KMT2D: variants seen among roughly 807,000 people sequenced by gnomAD.
The protein encoded by KMT2D is histone-lysine N-methyltransferase 2D.
KMT2D carries 55 observed loss-of-function variants against 512.7 expected under a neutral mutation model. The ratio of observed to expected loss-of-function variants is 0.11; its 90% CI spans 0.09 to 0.13. KMT2D has a LOEUF of 0.13. KMT2D is among the 10% of genes least tolerant of loss of function. The probability of loss-of-function intolerance (pLI) is 1.00; values close to 1 mark genes in which losing one functional copy is unlikely to be tolerated. For synonymous variants in KMT2D, 2,995 were observed against 2,904.0 expected (o/e 1.03, Z -1.01); for missense variants, 6,061 against 7,127.9 (o/e 0.85, Z 5.39).
rs750556938 is a variant in KMT2D, at chr12:49,033,736, G to C, written c.10969C>G (p.Leu3657Val). 1.2e-6 allele frequency: 2 copies of C among 1,613,502 alleles called. No individual in the cohort carries two copies. The highest frequency in any genetic ancestry group is 1.7e-6 in the Non-Finnish European group (2 of 1,179,822). The change falls in exon 40 of 55, where the codon CTG becomes GTG. Residue 3657 changes from leucine (L) to valine (V), a missense_variant. This residue lies in a region of KMT2D where 1,600 missense variants were observed against 1,754.9 expected (regional missense o/e 0.91). Transcript: ENST00000301067. ...PPGGQAGGLRLTPGGMALPGQ... is the reference protein window; with the variant it reads ...PPGGQAGGLRVTPGGMALPGQ... The stretch of plus-strand genomic sequence containing the variant: ...GGTAGTGCCATACCCCCAGGGGTCA[G>C]GCGAAGACCTCCGGCTTGCCCACCC...
intron 13 of KMT2D, 38 bp downstream of exon 13, chr12:49,049,067 T>C (rs1050966606): frequency 6.6e-5 from 87 of 1,308,640 alleles, no homozygotes; most frequent in Non-Finnish European, 8.4e-5. Context: ...TGCTAAAGCA[T>C]GGTTGGGGGA....
rs765658034 is a variant in KMT2D at position 49,030,705 on chromosome 12, A to T, written c.13735T>A (p.Phe4579Ile). 5.6e-6 allele frequency: 9 copies of T among 1,613,526 alleles called. No individual in the cohort carries two copies. Among genetic ancestry groups the T allele is most frequent in the Non-Finnish European group, 7.6e-6 (9 of 1,179,864 alleles). Residue 4579 changes from phenylalanine to isoleucine, a missense_variant, in exon 42 of 55, where the codon TTT (phenylalanine) becomes ATT (isoleucine). Transcript: ENST00000301067. ...CCATTGACTGGGCAGCCACTGCCAA[A>T]GGGGGCAAAGAGGCTAAAATTGGCG... ...ITANFSLFAPFGSGCPVNGQS... is the reference protein window; with the variant it reads ...ITANFSLFAPIGSGCPVNGQS...
chr12:49,024,645 G>A lies in KMT2D; in HGVS notation c.15985C>T (p.Leu5329=), dbSNP rs2137710607. The A allele has an allele frequency of 1.9e-6, 3 of 1,613,916 alleles. No individual in the cohort carries two copies. In the South Asian group the frequency reaches 3.3e-5, roughly 18 times the overall value. The change falls in exon 51 of 55, where the codon CTG becomes TTG. Residue 5329 remains leucine (L), a synonymous_variant. Coordinates refer to ENST00000301067, the MANE Select transcript of KMT2D (RefSeq NM_003482.4). This position sits in a 1 kb window ranked among gnomAD's most constrained non-coding sequence, Gnocchi z 4.5. The part of the protein sequence containing the change: ...FRYGRHPLME[L]PLMINPTGCA... ...CCAGTGGGGTTGATCATGAGTGGCA[G>A]CTCCATAAGGGGGTGGCGCCCATAG...
chr12:49,037,798 C>T lies in KMT2D; in HGVS notation c.9558G>A (p.Gly3186=), dbSNP rs1390707389. The T allele has an allele frequency of 6.3e-7, 1 of 1,596,848 alleles. No homozygotes were observed. Among genetic ancestry groups the T allele is most frequent in the Non-Finnish European group, 8.5e-7 (1 of 1,171,532 alleles). Residue 3186 remains glycine (G), a synonymous_variant, in exon 35 of 55, where the codon GGG becomes GGA. Coordinates refer to ENST00000301067, the MANE Select transcript of KMT2D (RefSeq NM_003482.4). ...SGHTAEKASF[G]ATGGPPAHLL... ...GGTGAGCTGGTGGTCCTCCCGTGGC[C>T]CCAAAGGAGGCCTTCTCAGCTGTGT...
In KMT2D at chr12:49,022,366, A is replaced by G. The variant is rs1371341197; in HGVS notation, c.16339-13T>C. Reference sequence around the variant, plus strand: ...AGATGCCTCGATTCTAGAAAGGCAGAGGTTGCAGAAGAAGGGACAAGAGTA... The same window carrying G: ...AGATGCCTCGATTCTAGAAAGGCAGGGGTTGCAGAAGAAGGGACAAGAGTA... On this transcript the variant is annotated splice_polypyrimidine_tract_variant and intron_variant, in intron 52 of 54. Transcript: ENST00000301067. This position sits in a 1 kb window ranked among gnomAD's most constrained non-coding sequence, Gnocchi z 8.6. 1 of 1,598,522 alleles carries G rather than the reference A, an allele frequency of 6.3e-7. No homozygotes were observed. The highest frequency in any genetic ancestry group is 8.5e-7 in the Non-Finnish European group (1 of 1,171,856).
rs759084640 is a variant in KMT2D, at chr12:49,029,166, C to A, written c.14146G>T (p.Gly4716Trp). Residue 4716 changes from glycine to tryptophan, a missense_variant, in exon 45 of 55, where the codon GGG becomes TGG. Around this residue, in one of 16 missense-constraint regions of KMT2D, gnomAD observed 1,600 missense variants for 1,754.9 expected, o/e 0.91. Transcript: ENST00000301067. ...VPASSPESIL[G>W]EEAPRFPHLG... ...TGAGGGAAACGAGGGGCCTCCTCCCCCAAGATGCTCTCAGGGGATGAAGCT... is the reference window on the plus strand; with the variant it reads ...TGAGGGAAACGAGGGGCCTCCTCCCACAAGATGCTCTCAGGGGATGAAGCT... The A allele has an allele frequency of 5.6e-6, 9 of 1,613,790 alleles. No homozygotes were observed. Among genetic ancestry groups the A allele is most frequent in the African/African-American group, 1.3e-5 (1 of 74,930 alleles).
At position 49,019,815 on chromosome 12, in the gene KMT2D, C is replaced by T. The variant is rs1204701478; in HGVS notation, c.*1965G>A. 4.4e-6 allele frequency: 1 copy of T among 229,730 alleles called. No homozygotes were observed. The allele number at this position is 229,730 out of a possible 1,614,324, so 14.2% of individuals were successfully genotyped here. A position where few individuals can be genotyped will look rare whatever the true frequency, so the allele number is the denominator to read the frequency against. On this transcript the variant is annotated 3_prime_UTR_variant, in exon 55 of 55. Transcript: ENST00000301067. ...GCAGCTTTAAAAAAAAAAAATCTCC[C>T]TACCCCCAACAATCCACAACCCCCC...
chr12:49,050,859 A>C, intron 11 of KMT2D, 27 bp downstream of exon 11: 1 of 1,548,648 alleles, frequency 6.5e-7, no homozygotes, highest in Non-Finnish European at 8.7e-7. Context: ...GCTGTTCCAG[A>C]ATAACAGAGT....
At position 49,042,130 on chromosome 12, in the gene KMT2D, T is replaced by G; in HGVS notation, c.6068A>C (p.Tyr2023Ser). The change falls in exon 29 of 55, where the codon TAT becomes TCT. Residue 2023 changes from tyrosine to serine, a missense_variant. Transcript: ENST00000301067. The surrounding 1 kb of genome is among the most constrained non-coding windows in gnomAD (Gnocchi z 4.4). The part of the protein sequence containing the change: ...GQLSTISPVL[Y>S]ANINFPNLKQ... ...GAGATTAGGAAAATTAATGTTGGCA[T>G]AGAGCACAGGTGAGATGGTGGACAG... 6.2e-7 allele frequency: 1 copy of G among 1,613,672 alleles called. No individual in the cohort carries two copies. Among genetic ancestry groups the G allele is most frequent in the South Asian group, 1.1e-5 (1 of 90,988 alleles).
In KMT2D at chr12:49,037,571, T is replaced by G; in HGVS notation, c.9785A>C (p.Lys3262Thr). 1 of 1,554,064 alleles carries G rather than the reference T, an allele frequency of 6.4e-7. No homozygotes were observed. The highest frequency in any genetic ancestry group is 1.2e-5 in the South Asian group (1 of 84,234). Residue 3262 changes from lysine (K) to threonine (T), a missense_variant, in exon 35 of 55, where the codon AAG becomes ACG. Coordinates refer to ENST00000301067, the MANE Select transcript of KMT2D (RefSeq NM_003482.4). The stretch of plus-strand genomic sequence containing the variant: ...CAACTGTGCTGAAAGCTGCTGCTTC[T>G]TCTGCAGCTCCTTCTTCTCATGCTC... Reference protein sequence around the residue: ...LLEHEKKELQKKQQLSAQLQP... With the variant: ...LLEHEKKELQTKQQLSAQLQP...
Position 49,032,505 on chromosome 12 carries a change from G to T in KMT2D, c.12200C>A (p.Pro4067His), listed in dbSNP as rs1456513754. Residue 4067 changes from proline (P) to histidine (H), a missense_variant, in exon 40 of 55, where the codon CCC becomes CAC. Pro to His is a moderately conservative substitution (Grantham distance 77). Transcript: ENST00000301067. ...GAGTTGTGAGTCCCCAGAGAGTGAGGGCTTTACCTCTCCTGGTTCAGTGGC... is the reference window on the plus strand; with the variant it reads ...GAGTTGTGAGTCCCCAGAGAGTGAGTGCTTTACCTCTCCTGGTTCAGTGGC... ...SMATEPGEVKPSLSGDSQLLL... is the reference protein window; with the variant it reads ...SMATEPGEVKHSLSGDSQLLL... The T allele has an allele frequency of 6.3e-7, 1 of 1,580,074 alleles. No homozygotes were observed. Among genetic ancestry groups the T allele is most frequent in the Non-Finnish European group, 8.6e-7 (1 of 1,162,740 alleles).
Position 49,033,567 on chromosome 12 carries a change from G to A in KMT2D, c.11138C>T (p.Ser3713Leu). The change falls in exon 40 of 55, where the codon TCA becomes TTA. Residue 3713 changes from serine (S) to leucine (L), a missense_variant. Physicochemically the swap from Ser to Leu is moderately radical, Grantham distance 145. Transcript: ENST00000301067. ...NLALRSLGPDSRLLQERQLQL... is the reference protein window; with the variant it reads ...NLALRSLGPDLRLLQERQLQL... ...CAGCTGCCTTTCCTGTAAAAGCCTT[G>A]AATCAGGTCCGAGGCTTCGAAGAGC... 1 of 1,613,574 alleles carries A rather than the reference G, an allele frequency of 6.2e-7. No homozygotes were observed. Among genetic ancestry groups the A allele is most frequent in the Non-Finnish European group, 8.5e-7 (1 of 1,179,820 alleles).
Position 49,042,224 on chromosome 12 carries a change from C to T in KMT2D, c.5974G>A (p.Glu1992Lys). 6.3e-7 allele frequency: 1 copy of T among 1,598,202 alleles called. No homozygotes were observed. The highest frequency in any genetic ancestry group is 8.5e-7 in the Non-Finnish European group (1 of 1,172,722). The change falls in exon 29 of 55, where the codon GAG (glutamate) becomes AAG (lysine). Residue 1992 changes from glutamate (E) to lysine (K), a missense_variant. Physicochemically the swap from Glu to Lys is moderately conservative, Grantham distance 56. Around this residue, in one of 16 missense-constraint regions of KMT2D, gnomAD observed 640 missense variants for 814.3 expected, o/e 0.79. Transcript: ENST00000301067. The surrounding 1 kb of genome is among the most constrained non-coding windows in gnomAD (Gnocchi z 4.4). ...STPTTPTTEG[E>K]GDGLSYNQRS... Reference sequence around the variant, plus strand: ...TGGTTATAGGAGAGTCCGTCGCCCTCACCCTCCGTGGTGGGGGTTGTGGGG... The same window carrying T: ...TGGTTATAGGAGAGTCCGTCGCCCTTACCCTCCGTGGTGGGGGTTGTGGGG...
rs767138904 is a variant in KMT2D at position 49,027,276 on chromosome 12, T to C, written c.14690A>G (p.Asn4897Ser). The C allele has an allele frequency of 3.0e-5, 46 of 1,554,126 alleles. No individual in the cohort carries two copies. The highest frequency in any genetic ancestry group is 3.4e-5 in the Non-Finnish European group (39 of 1,153,206). ...EPPTQHSYTY[N>S]VSNLDVRQLS... ...CTGTCGCACATCCAGATTGGAGACA[T>C]TGTAGGTATAGCTGTGCTGAGTGGG... is the stretch of plus-strand genomic sequence containing the variant. Residue 4897 changes from asparagine to serine, a missense_variant, in exon 49 of 55, where the codon AAT (asparagine) becomes AGT (serine). By Grantham distance (46) the Asn-to-Ser change is conservative. Around this residue, in one of 16 missense-constraint regions of KMT2D, gnomAD observed 1,600 missense variants for 1,754.9 expected, o/e 0.91. Transcript: ENST00000301067.
rs2137708327 is a variant in KMT2D, at chr12:49,022,953, C to T, written c.16053-78G>A. On this transcript the variant is annotated intron_variant, in intron 51 of 54. Transcript: ENST00000301067. The surrounding 1 kb of genome is among the most constrained non-coding windows in gnomAD (Gnocchi z 8.6). ...TACCACCCACCTCCTCTGCCACCTCCTGGGATGTGCAACACACCAGTTAGG... is the reference window on the plus strand; with the variant it reads ...TACCACCCACCTCCTCTGCCACCTCTTGGGATGTGCAACACACCAGTTAGG... The T allele has an allele frequency of 7.1e-7, 1 of 1,415,362 alleles. No homozygotes were observed. Among genetic ancestry groups the T allele is most frequent in the South Asian group, 1.4e-5 (1 of 69,238 alleles). 87.7% of individuals were successfully genotyped at this position (1,415,362 alleles called of 1,614,324 possible). A position where few individuals can be genotyped will look rare whatever the true frequency, so the allele number is the denominator to read the frequency against.
chr12:49,032,837 T>A lies in KMT2D; in HGVS notation c.11868A>T (p.Gln3956His). 6.4e-7 allele frequency: 1 copy of A among 1,550,494 alleles called. No homozygotes were observed. The highest frequency in any genetic ancestry group is 8.7e-7 in the Non-Finnish European group (1 of 1,146,918). ...GCTGCTGTTGTTGTTGCTGTTGCTG[T>A]TGTAGCTGCTGTTGCTGCTGTTGAA... ...QQLQQQQQQL[Q>H]QQQQQQQQQF... Residue 3956 changes from glutamine to histidine, a missense_variant, in exon 40 of 55, where the codon CAA becomes CAT. Physicochemically the swap from Gln to His is conservative, Grantham distance 24. Coordinates refer to ENST00000301067, the MANE Select transcript of KMT2D (RefSeq NM_003482.4).
chr12:49,047,134 C>T (rs541822823), intron 15 of KMT2D, among the ~76,000 whole-genome samples: 50 of 151,992 alleles, frequency 3.3e-4, no homozygotes, highest in Admixed American at 3.1e-3. Flanking sequence ...TACAGGTGTG[C>T]GCCACCGTGC....
In KMT2D at chr12:49,037,638, G is replaced by A. The variant is rs766458553; in HGVS notation, c.9718C>T (p.Leu3240=). 1.0e-4 allele frequency: 157 copies of A among 1,571,332 alleles called. No homozygotes were observed. The highest frequency in any genetic ancestry group is 1.2e-4 in the Non-Finnish European group (141 of 1,158,088). The change falls in exon 35 of 55, where the codon CTG becomes TTG. Residue 3240 remains leucine, a synonymous_variant. Transcript: ENST00000301067. ...AGCAGGGGTAACTCGCTGGCTACCA[G>A]TGAGCTCTCCATCTTGTCTAGCTCA... ...GDELDKMESS[L]VASELPLLIE...
At position 49,043,134 on chromosome 12, in the gene KMT2D, C is replaced by G. The variant is rs1213998643; in HGVS notation, c.5586G>C (p.Lys1862Asn). 2 of 1,613,996 alleles carry G rather than the reference C, an allele frequency of 1.2e-6. No homozygotes were observed. Among genetic ancestry groups the G allele is most frequent in the Non-Finnish European group, 1.7e-6 (2 of 1,179,872 alleles). The change falls in exon 26 of 55, where the codon AAG becomes AAC. Residue 1862 changes from lysine (K) to asparagine (N), a missense_variant. Physicochemically the swap from Lys to Asn is moderately conservative, Grantham distance 94. This residue lies in a region of KMT2D where 640 missense variants were observed against 814.3 expected (regional missense o/e 0.79). Coordinates refer to ENST00000301067, the MANE Select transcript of KMT2D (RefSeq NM_003482.4). ...GCATCCCTTCACCTGGGGTGCCTGGCTTCTCAGGGTCACTGGGCACTGGGG... is the reference window on the plus strand; with the variant it reads ...GCATCCCTTCACCTGGGGTGCCTGGGTTCTCAGGGTCACTGGGCACTGGGG... ...KASPVPSDPE[K>N]PGTPGEGMLS...
Sources: allele counts gnomAD v4.1 joint callset (sites outside exome capture counted in the v4.1 genomes callset), GRCh38; gene constraint gnomAD v4.1.1; regional missense constraint gnomAD v4.1.1; non-coding constraint Gnocchi (gnomAD v3.1); transcripts MANE v1.5; gene names NCBI Gene and HGNC (gene_info 2026-07-23, HGNC 2026-07-21).